Variants in PLB1 observed in about 807,000 individuals in gnomAD.
PLB1 encodes the protein phospholipase B1, membrane-associated.
PLB1 carries 242 observed loss-of-function variants against 227.4 expected under a neutral mutation model. The ratio of observed to expected loss-of-function variants is 1.06; its 90% CI spans 0.96 to 1.18. The LOEUF is 1.18. Among genes scored for constraint, PLB1 ranks in the 50% most tolerant of loss-of-function variants. The pLI is 0.00. For missense variants in PLB1, 1,858 were observed against 1,816.3 expected, an observed-to-expected ratio of 1.02 and a Z score of -0.42; for synonymous variants, 757 against 682.2, an observed-to-expected ratio of 1.11 and a Z score of -1.71.
At chr2:28,570,591 G>A (rs988231063) in intron 20 of PLB1, among the ~76,000 whole-genome samples, 51 of 152,176 alleles carry the variant, frequency 3.4e-4, no homozygotes, top group African/African-American at 1.0e-3. Flanking sequence ...TTAGAGACTA[G>A]CCTGGCCAAC....
At chr2:28,618,745 C>T (rs1031545359) in intron 46 of PLB1, among the ~76,000 whole-genome samples, 3 of 152,220 alleles carry the variant, frequency 2.0e-5, no homozygotes, top group African/African-American at 7.2e-5. Flanking sequence ...TACCCAGACT[C>T]AGAGTGGCAG....
At chr2:28,599,892 G>GGAGTACTTGTACTCCCAAAGTA (rs1683588440) in intron 35 of PLB1, among the ~76,000 whole-genome samples, 1 of 152,070 alleles carries the variant, frequency 6.6e-6, no homozygotes, top group Non-Finnish European at 1.5e-5. Flanking sequence ...TGGATTACAG[G>GGAGTACTTGTACTCCCAAAGTA]CATGAGCCAC....
chr2:28,519,007 C>T (rs1278045198), intron 3 of PLB1, among the ~76,000 whole-genome samples: 14 of 152,116 alleles, frequency 9.2e-5, no homozygotes, highest in Non-Finnish European at 1.6e-4. Context: ...CTGGGGTTTC[C>T]AGTTAAGCAT....
chr2:28,574,242 A>G (rs1383511852), intron 21 of PLB1, among the ~76,000 whole-genome samples: 1 of 152,018 alleles, frequency 6.6e-6, no homozygotes. Context: ...TTTTGGTTAC[A>G]TGAGTAAGTT....
intron 33 of PLB1, chr2:28,594,995 A>G (rs1682659779): frequency 6.6e-6 from 1 of 152,080 alleles, no homozygotes. Flanking sequence ...TGGGAAACAA[A>G]AATCAAGCAG....
intron 5 of PLB1, 91 bp from the exon 6 acceptor site, chr2:28,525,814 C>T: frequency 1.3e-6 from 2 of 1,486,896 alleles, no homozygotes; most frequent in South Asian, 1.2e-5. Flanking sequence ...AGGCCAAAGA[C>T]TACTATGAAA....
In PLB1 at chr2:28,501,556, A is replaced by G. The variant is rs143350912; in HGVS notation, c.55+5387A>G. On this transcript the variant is annotated intron_variant, in intron 1 of 57. Coordinates refer to ENST00000327757, the MANE Select transcript of PLB1 (RefSeq NM_153021.5). ...ATATATAAAACATTAACATTGTTCAAAAGTCGAAGCTATATGAAAAGATGT... is the reference window on the plus strand; with the variant it reads ...ATATATAAAACATTAACATTGTTCAGAAGTCGAAGCTATATGAAAAGATGT... Among the ~76,000 whole-genome samples the G allele has an allele frequency of 3.5e-3, 532 of 152,276 alleles. 2 individuals are homozygous for G. Among genetic ancestry groups the G allele is most frequent in the Admixed American group, 5.5e-3 (84 of 15,290 alleles).
intron 1 of PLB1, among the ~76,000 whole-genome samples, chr2:28,511,609 G>T (rs1281448733): frequency 6.6e-6 from 1 of 151,250 alleles, no homozygotes; most frequent in African/African-American, 2.5e-5. Context: ...TACTCCTGCT[G>T]CTTTCAAAAT....
intron 56 of PLB1, among the ~76,000 whole-genome samples, chr2:28,639,424 CT>C (rs1161357175): frequency 1.3e-5 from 2 of 152,120 alleles, no homozygotes; most frequent in Non-Finnish European, 2.9e-5. Flanking sequence ...AGACTGCAGA[CT>C]GGCTGGAGCG....
At chr2:28,604,540 G>A in intron 40 of PLB1, 115 bp from the exon 41 acceptor site, 1 of 700,078 alleles carries the variant, frequency 1.4e-6, no homozygotes. Context: ...CAAGGGAAAG[G>A]CTGAGTCGGC....
At chr2:28,554,915 T>A (rs1674812545) in intron 17 of PLB1, among the ~76,000 whole-genome samples, 1 of 152,112 alleles carries the variant, frequency 6.6e-6, no homozygotes, top group South Asian at 2.1e-4. Context: ...TGAGATCCTC[T>A]GGTGACAGGA....
intron 20 of PLB1, among the ~76,000 whole-genome samples, chr2:28,572,320 C>G (rs4666100): frequency 0.79 from 120,868 of 152,164 alleles, 48,408 homozygotes; most frequent in Admixed American, 0.85. Flanking sequence ...AAATGGTGCA[C>G]CTGCTTTGGG....
intron 1 of PLB1, among the ~76,000 whole-genome samples, chr2:28,497,059 G>T (rs562013332): frequency 6.6e-6 from 1 of 152,330 alleles, no homozygotes; most frequent in South Asian, 2.1e-4. Flanking sequence ...TTCTGCACAG[G>T]ATGATTGTAT....
At chr2:28,591,304 C>A in intron 30 of PLB1, 133 bp downstream of exon 30, 2 of 1,085,850 alleles carry the variant, frequency 1.8e-6, no homozygotes, top group Non-Finnish European at 2.8e-6. Flanking sequence ...CCCACCTGAC[C>A]TTCAGATGGG....
intron 33 of PLB1, among the ~76,000 whole-genome samples, 179 bp from the exon 34 acceptor site, chr2:28,597,826 A>T (rs56767560): frequency 6.6e-6 from 1 of 152,134 alleles, no homozygotes; most frequent in African/African-American, 2.4e-5. Context: ...GTAGGGAACC[A>T]ATATGTTAGG....
intron 14 of PLB1, among the ~76,000 whole-genome samples, chr2:28,546,936 A>G (rs1326644790): frequency 6.6e-6 from 1 of 152,162 alleles, no homozygotes; most frequent in Non-Finnish European, 1.5e-5. Flanking sequence ...GTGGTGGCTC[A>G]TGCTTGTAAT....
intron 13 of PLB1, 95 bp downstream of exon 13, chr2:28,541,906 G>A: frequency 1.0e-6 from 1 of 989,438 alleles, no homozygotes; most frequent in Non-Finnish European, 1.6e-6. Context: ...GCCGAGGTGG[G>A]TGGATTACTT....
rs1669269650 is a variant in PLB1, at chr2:28,519,745, C to T, written c.225C>T (p.Ala75=). 2 of 1,611,864 alleles carry T rather than the reference C, an allele frequency of 1.2e-6. No individual in the cohort carries two copies. The highest frequency in any genetic ancestry group is 3.3e-5 in the Admixed American group (2 of 59,982). ...LKPSDIKFVA[A]IGNLEIPPDP... ...CTTCTGATATTAAATTTGTGGCAGC[C>T]ATTGGCAATCTGGAAATTGTGAGTA... The change falls in exon 4 of 58, where the codon GCC becomes GCT. Residue 75 remains alanine (A), a synonymous_variant. Coordinates refer to ENST00000327757, the MANE Select transcript of PLB1 (RefSeq NM_153021.5).
chr2:28,529,484 G>C (rs112316129), intron 7 of PLB1, 77 bp downstream of exon 7: 2 of 1,261,840 alleles, frequency 1.6e-6, no homozygotes, highest in African/African-American at 1.5e-5. Flanking sequence ...GGATTTGGGG[G>C]GCTGGCAAAG....
Sources: allele counts gnomAD v4.1 joint callset (sites outside exome capture counted in the v4.1 genomes callset), GRCh38; gene constraint gnomAD v4.1.1; transcripts MANE v1.5; gene names NCBI Gene and HGNC (gene_info 2026-07-23, HGNC 2026-07-21).